SUPT3H: variants seen among roughly 807,000 people sequenced by gnomAD.
SUPT3H encodes the protein transcription initiation protein SPT3 homolog.
A neutral mutation model predicts 44.3 loss-of-function variants in SUPT3H; 44 were observed. That is an observed-to-expected ratio of 0.99 (90% CI 0.78 to 1.28). The LOEUF is 1.28. Ranked by LOEUF, SUPT3H falls within the 50% of genes most tolerant of loss-of-function variation. The pLI is 0.00. For missense variants in SUPT3H, 380 were observed against 387.1 expected (o/e 0.98, Z 0.15); for synonymous variants, 124 against 125.6 (o/e 0.99, Z 0.09).
At chr6:44,903,516 C>A (rs1458631822) in intron 10 of SUPT3H, among the ~76,000 whole-genome samples, 2 of 152,044 alleles carry the variant, frequency 1.3e-5, no homozygotes, top group East Asian at 1.9e-4. Flanking sequence ...CAATAACAGG[C>A]TCTGAAATTG....
chr6:45,158,459 T>C (rs1302991094), intron 2 of SUPT3H, among the ~76,000 whole-genome samples: 4 of 151,318 alleles, frequency 2.6e-5, no homozygotes, highest in African/African-American at 4.9e-5. Context: ...TAAAAGTAAA[T>C]CTTGGGCCCT....
chr6:44,909,762 T>C (rs1298060167), intron 10 of SUPT3H, among the ~76,000 whole-genome samples: 1 of 152,150 alleles, frequency 6.6e-6, no homozygotes, highest in Non-Finnish European at 1.5e-5. Flanking sequence ...GGCCCAGGGC[T>C]CTTCCCATTA....
intron 10 of SUPT3H, among the ~76,000 whole-genome samples, chr6:44,838,342 AG>A (rs1561861661): frequency 6.6e-6 from 1 of 152,170 alleles, no homozygotes; most frequent in Admixed American, 6.5e-5. Context: ...GAACAGGCTG[AG>A]GGGGAAGACA....
intron 10 of SUPT3H, among the ~76,000 whole-genome samples, chr6:44,885,904 T>C (rs1466285471): frequency 2.6e-5 from 4 of 151,890 alleles, no homozygotes; most frequent in Non-Finnish European, 4.4e-5. Context: ...GAATAACCAA[T>C]ACACAGAAGT....
intron 2 of SUPT3H, among the ~76,000 whole-genome samples, chr6:45,137,480 G>A (rs1334676542): frequency 2.6e-5 from 4 of 151,858 alleles, no homozygotes; most frequent in Non-Finnish European, 4.4e-5. Flanking sequence ...ATATGTCTAT[G>A]TATACCAACA....
At chr6:45,256,853 G>T (rs1237247703) in intron 2 of SUPT3H, among the ~76,000 whole-genome samples, 3 of 152,142 alleles carry the variant, frequency 2.0e-5, no homozygotes, top group Non-Finnish European at 4.4e-5. Flanking sequence ...GAACATTTGG[G>T]ATGTTTCAAC....
At chr6:45,000,695 A>G (rs542149998) in intron 6 of SUPT3H, among the ~76,000 whole-genome samples, 1 of 152,222 alleles carries the variant, frequency 6.6e-6, no homozygotes, top group East Asian at 1.9e-4. Flanking sequence ...GCTGCCTTAA[A>G]TGTTATGTAT....
chr6:45,329,489 T>C (rs187952285), intron 2 of SUPT3H, among the ~76,000 whole-genome samples: 73 of 152,098 alleles, frequency 4.8e-4, no homozygotes, highest in Middle Eastern at 3.4e-3. Context: ...TACATGCAAC[T>C]GCATTTTTCT....
At chr6:44,854,923 A>T (rs1436048516) in intron 10 of SUPT3H, among the ~76,000 whole-genome samples, 1 of 152,192 alleles carries the variant, frequency 6.6e-6, no homozygotes, top group African/African-American at 2.4e-5. Flanking sequence ...ACCTCCAGAG[A>T]TAAAACATAG....
chr6:45,282,068 C>T (rs1195659951), intron 2 of SUPT3H, among the ~76,000 whole-genome samples: 1 of 152,064 alleles, frequency 6.6e-6, no homozygotes, highest in Non-Finnish European at 1.5e-5. Context: ...AAAGGACATC[C>T]ACAACAAAAG....
chr6:44,950,028 A>G (rs1208211106), intron 9 of SUPT3H, among the ~76,000 whole-genome samples: 1 of 152,248 alleles, frequency 6.6e-6, no homozygotes, highest in Non-Finnish European at 1.5e-5. Flanking sequence ...AACTGGTGAC[A>G]GTCCAGATAC....
At chr6:45,156,763 T>A (rs1469080571) in intron 2 of SUPT3H, among the ~76,000 whole-genome samples, 1 of 151,530 alleles carries the variant, frequency 6.6e-6, no homozygotes, top group East Asian at 1.9e-4. Flanking sequence ...ATATATATAT[T>A]TTAGAATGAT....
chr6:45,094,085 A>G (rs771968413), intron 3 of SUPT3H, among the ~76,000 whole-genome samples: 9 of 152,242 alleles, frequency 5.9e-5, no homozygotes, highest in Middle Eastern at 3.4e-3. Context: ...ATGCAATTCA[A>G]TCTGGAGAGT....
intron 2 of SUPT3H, among the ~76,000 whole-genome samples, chr6:45,288,745 C>G (rs3923353): frequency 0.4 from 60,256 of 150,442 alleles, 12,491 homozygotes; most frequent in East Asian, 0.71. Context: ...AAATATTCAC[C>G]GTTTGATAAA....
intron 2 of SUPT3H, among the ~76,000 whole-genome samples, chr6:45,309,051 T>C (rs867668795): frequency 1.3e-5 from 2 of 151,416 alleles, no homozygotes; most frequent in Admixed American, 6.6e-5. Flanking sequence ...CTTTAAAATA[T>C]GCATATAAGC....
At chr6:45,062,011 T>C (rs987051213) in intron 3 of SUPT3H, among the ~76,000 whole-genome samples, 1 of 151,904 alleles carries the variant, frequency 6.6e-6, no homozygotes, top group Admixed American at 6.6e-5. Context: ...ATTAGTGTTA[T>C]TTAATATCCA....
At chr6:45,021,959 G>T (rs1367847146) in intron 3 of SUPT3H, among the ~76,000 whole-genome samples, 1 of 151,860 alleles carries the variant, frequency 6.6e-6, no homozygotes, top group Non-Finnish European at 1.5e-5. Context: ...TTAAAAAGAT[G>T]ATGTTATCTA....
chr6:45,256,496 A>G (rs1262226417), intron 2 of SUPT3H, among the ~76,000 whole-genome samples: 1 of 152,080 alleles, frequency 6.6e-6, no homozygotes, highest in Non-Finnish European at 1.5e-5. Context: ...TAAAAGCCCC[A>G]TCTCTTCATA....
chr6:45,162,225 AAAGAAGAAG>A (rs139564646), intron 2 of SUPT3H, among the ~76,000 whole-genome samples: 1 of 151,964 alleles, frequency 6.6e-6, no homozygotes, highest in Non-Finnish European at 1.5e-5. Flanking sequence ...CTCATTAAAA[AAAGAAGAAG>A]AAGAAGAAGA....
Sources: allele counts gnomAD v4.1 joint callset (sites outside exome capture counted in the v4.1 genomes callset), GRCh38; gene constraint gnomAD v4.1.1; transcripts MANE v1.5; gene names NCBI Gene and HGNC (gene_info 2026-07-23, HGNC 2026-07-21).